Variants in NRG1 observed in about 807,000 individuals in gnomAD.
NRG1 encodes the protein pro-neuregulin-1, membrane-bound isoform.
Under a neutral mutation model 63.8 loss-of-function variants are expected in NRG1, and 18 were observed. The ratio of observed to expected loss-of-function variants is 0.28; its 90% confidence interval spans 0.19 to 0.42. The LOEUF (loss-of-function observed/expected upper bound fraction) is 0.42, where lower values mean the gene tolerates loss of function less well. NRG1 is among the 10% of genes least tolerant of loss of function. The pLI is 1.00. For synonymous variants in NRG1, 302 were observed against 301.3 expected, an observed-to-expected ratio of 1.00 and a Z score of -0.02; for missense variants, 762 against 814.7, an observed-to-expected ratio of 0.94 and a Z score of 0.79.
Position 32,563,214 on chromosome 8 carries a change from G to A in NRG1, c.100+14388G>A, listed in dbSNP as rs376085636. Reference sequence around the variant, plus strand: ...TAATTCTTCTTCCAATGTGGCCCAGGGAAGCCAAAATATTGGCTCACTTAG... The same window carrying A: ...TAATTCTTCTTCCAATGTGGCCCAGAGAAGCCAAAATATTGGCTCACTTAG... On this transcript the variant is annotated intron_variant, in intron 1 of 11. Transcript: ENST00000356819. Among the ~76,000 whole-genome samples the A allele has an allele frequency of 4.9e-4, 75 of 152,240 alleles. 1 individual carries two copies. The highest frequency in any genetic ancestry group is 1.7e-3 in the African/African-American group (72 of 41,540).
chr8:32,665,761 ATAAT>A (rs1016415565), intron 5 of NRG1, among the ~76,000 whole-genome samples: 1 of 152,196 alleles, frequency 6.6e-6, no homozygotes, highest in Non-Finnish European at 1.5e-5. Flanking sequence ...GCAGATGTAA[ATAAT>A]TAACATTAAA....
chr8:32,462,505 A>C lies in NRG1; in HGVS notation c.38-133323A>C, dbSNP rs547332683. On this transcript the variant is annotated intron_variant, in intron 1 of 10. Transcript: ENST00000519301. ...TAACATTTTTGTAAGAGCACATAAA[A>C]TCTACTTATTCTGCAGATTTTGAAT... Among the ~76,000 whole-genome samples the C allele has an allele frequency of 2.6e-4, 40 of 152,034 alleles. No homozygotes were observed. In the Middle Eastern group the frequency reaches 0.01, roughly 39 times the overall value.
intron 1 of NRG1, among the ~76,000 whole-genome samples, chr8:31,972,967 G>A (rs1033700796): frequency 2.0e-5 from 3 of 152,168 alleles, no homozygotes; most frequent in African/African-American, 7.2e-5. Context: ...TCACAGAAGT[G>A]AGCAAAAGTG....
intron 1 of NRG1, among the ~76,000 whole-genome samples, chr8:32,108,748 G>T (rs1362402512): frequency 1.3e-5 from 2 of 151,982 alleles, no homozygotes; most frequent in African/African-American, 2.4e-5. Context: ...GAAGAAGGAG[G>T]CCTGAATTTC....
At chr8:32,090,364 G>A (rs7838546) in intron 1 of NRG1, among the ~76,000 whole-genome samples, 24,478 of 152,086 alleles carry the variant, frequency 0.16, 3,112 homozygotes, top group African/African-American at 0.34. Flanking sequence ...AAAAGAGTCC[G>A]GGTTGAAGTG....
At chr8:31,766,516 C>A (rs564189669) in intron 1 of NRG1, among the ~76,000 whole-genome samples, 1 of 152,130 alleles carries the variant, frequency 6.6e-6, no homozygotes, top group South Asian at 2.1e-4. Context: ...AGCCCCTGTG[C>A]AAACCCCTAG....
chr8:31,775,882 CAAAAAA>C (rs71208140), intron 1 of NRG1, among the ~76,000 whole-genome samples: 5 of 72,204 alleles, frequency 6.9e-5, no homozygotes, highest in East Asian at 3.9e-4. Flanking sequence ...GACTCCGTCT[CAAAAAA>C]AAAAAAAAAA....
At chr8:31,797,932 A>G (rs1240246324) in intron 1 of NRG1, among the ~76,000 whole-genome samples, 1 of 152,230 alleles carries the variant, frequency 6.6e-6, no homozygotes, top group Non-Finnish European at 1.5e-5. Flanking sequence ...AGTAGGGCAT[A>G]GAAGGATAAA....
At chr8:31,920,567 G>T (rs1833815320) in intron 1 of NRG1, among the ~76,000 whole-genome samples, 1 of 152,032 alleles carries the variant, frequency 6.6e-6, no homozygotes, top group Non-Finnish European at 1.5e-5. Context: ...ACTTGCCCAG[G>T]ATCCATCTGG....
At chr8:32,482,398 T>TTGTGTGTGTGTGTGTGTGTGTG (rs10689849) in intron 1 of NRG1, among the ~76,000 whole-genome samples, 41 of 148,316 alleles carry the variant, frequency 2.8e-4, no homozygotes, top group African/African-American at 9.8e-4. Flanking sequence ...CTTTCTACTT[T>TTGTGTGTGTGTGTGTGTGTGTG]TGTGTGTGTG....
At chr8:32,531,480 CAA>C (rs371994916) in intron 1 of NRG1, among the ~76,000 whole-genome samples, 1,558 of 152,056 alleles carry the variant, frequency 0.01, 24 homozygotes, top group African/African-American at 0.035. Flanking sequence ...TCAAGAAAAG[CAA>C]AGTTTCTTAC....
intron 1 of NRG1, among the ~76,000 whole-genome samples, chr8:32,385,856 T>C (rs1213279659): frequency 6.6e-6 from 1 of 152,196 alleles, no homozygotes; most frequent in Admixed American, 6.5e-5. Flanking sequence ...CTGAAGAAAT[T>C]AGCTACTTGA....
intron 1 of NRG1, among the ~76,000 whole-genome samples, chr8:31,949,593 GA>G (rs1803151096): frequency 6.6e-6 from 1 of 152,032 alleles, no homozygotes; most frequent in African/African-American, 2.4e-5. Context: ...GTTTCCTCTG[GA>G]ATCATGAGCT....
At chr8:32,365,792 G>A (rs1264253400) in intron 1 of NRG1, among the ~76,000 whole-genome samples, 3 of 152,152 alleles carry the variant, frequency 2.0e-5, no homozygotes, top group Non-Finnish European at 2.9e-5. Flanking sequence ...CCCTCAGATT[G>A]TAGTTTGCTC....
intron 1 of NRG1, among the ~76,000 whole-genome samples, chr8:32,065,691 G>A (rs4513930): frequency 0.97 from 148,086 of 152,172 alleles, 72,145 homozygotes; most frequent in East Asian, 1. Context: ...AATCCTTTGG[G>A]TATATACCCA....
At chr8:32,017,722 C>T (rs2085998) in intron 1 of NRG1, among the ~76,000 whole-genome samples, 48,936 of 152,084 alleles carry the variant, frequency 0.32, 9,942 homozygotes, top group Non-Finnish European at 0.44. Context: ...TGAAAAGATA[C>T]GTAAGGAAAG....
At chr8:32,349,465 A>G (rs1015305807) in intron 1 of NRG1, among the ~76,000 whole-genome samples, 1 of 152,210 alleles carries the variant, frequency 6.6e-6, no homozygotes. Context: ...TCAAGGTACC[A>G]TACACATGGG....
chr8:31,855,347 A>T (rs1280102159), intron 1 of NRG1, among the ~76,000 whole-genome samples: 1 of 152,108 alleles, frequency 6.6e-6, no homozygotes, highest in African/African-American at 2.4e-5. Context: ...TGTTGAATTG[A>T]TCCCTTTACC....
intron 1 of NRG1, among the ~76,000 whole-genome samples, chr8:31,781,546 G>T (rs1819688307): frequency 6.6e-6 from 1 of 152,134 alleles, no homozygotes; most frequent in Admixed American, 6.5e-5. Context: ...CTGGTCATCT[G>T]GCCTGCTGTC....
Sources: allele counts gnomAD v4.1 joint callset (sites outside exome capture counted in the v4.1 genomes callset), GRCh38; gene constraint gnomAD v4.1.1; transcripts MANE v1.5; gene names NCBI Gene and HGNC (gene_info 2026-07-23, HGNC 2026-07-21).